The following GABRB3 variants were observed in gnomAD, a reference collection of about 807,000 sequenced individuals.
GABRB3 encodes gamma-aminobutyric acid type A receptor subunit beta3, also known as gamma-aminobutyric acid receptor subunit beta-3.
GABRB3 carries 14 observed loss-of-function variants against 52.1 expected under a neutral mutation model. That is an observed-to-expected ratio of 0.27 (90% CI 0.18 to 0.42). The LOEUF is 0.42. Ranked by LOEUF, GABRB3 falls within the 10% of genes least tolerant of loss-of-function variation. GABRB3 has a pLI of 1.00. For missense variants in GABRB3, 307 were observed against 609.1 expected (o/e 0.50, Z 5.22); for synonymous variants, 260 against 232.3 (o/e 1.12, Z -1.08).
At chr15:26,772,829 G>GC in intron 1 of GABRB3, 54 bp downstream of exon 1, 1 of 1,459,764 alleles carries the variant, frequency 6.9e-7, no homozygotes. Context: ...AGCCGCCAGC[G>GC]CCCCGCGCAC....
chr15:26,547,423 C>G lies in GABRB3; in HGVS notation c.*370G>C. On this transcript the variant is annotated 3_prime_UTR_variant, in exon 9 of 9. Transcript: ENST00000311550. ...TGGGGATGATATTGTGTTTCACGCC[C>G]TCATTCTCAAGGCATAATATTTAGA... 2.3e-6 allele frequency: 1 copy of G among 441,476 alleles called. No individual in the cohort carries two copies. Among genetic ancestry groups the G allele is most frequent in the East Asian group, 3.3e-5 (1 of 30,440 alleles). The allele number at this position is 441,476 out of a possible 1,614,324, so 27.3% of individuals were successfully genotyped here.
intron 3 of GABRB3, among the ~76,000 whole-genome samples, chr15:26,664,813 A>G (rs992931128): frequency 6.7e-6 from 1 of 148,334 alleles, no homozygotes; most frequent in Non-Finnish European, 1.5e-5. Context: ...CCTGGGTTCA[A>G]GCTCAGCCTC....
chr15:26,741,186 G>C (rs1325753340), intron 3 of GABRB3, among the ~76,000 whole-genome samples: 1 of 152,052 alleles, frequency 6.6e-6, no homozygotes, highest in Non-Finnish European at 1.5e-5. Flanking sequence ...GAAGTACCAA[G>C]CTTAGGGTCA....
At chr15:26,598,727 C>T (rs1891482504) in intron 4 of GABRB3, among the ~76,000 whole-genome samples, 1 of 152,132 alleles carries the variant, frequency 6.6e-6, no homozygotes, top group African/African-American at 2.4e-5. Flanking sequence ...AGTTTCACCT[C>T]ACAAAGAACA....
chr15:26,597,584 T>C (rs1405091435), intron 4 of GABRB3, among the ~76,000 whole-genome samples: 1 of 152,128 alleles, frequency 6.6e-6, no homozygotes, highest in Non-Finnish European at 1.5e-5. Context: ...TCCTCTACAA[T>C]AGAGCTGCCT....
At chr15:26,760,378 C>G (rs1248081850) in intron 3 of GABRB3, among the ~76,000 whole-genome samples, 1 of 152,168 alleles carries the variant, frequency 6.6e-6, no homozygotes, top group East Asian at 1.9e-4. Context: ...GAACGACTTG[C>G]CAGAGTTCAC....
intron 3 of GABRB3, among the ~76,000 whole-genome samples, chr15:26,681,372 G>GC (rs1030695498): frequency 4.6e-5 from 7 of 151,854 alleles, no homozygotes; most frequent in Non-Finnish European, 8.8e-5. Flanking sequence ...CTGATATTCT[G>GC]CCCCCCCGTA....
intron 3 of GABRB3, among the ~76,000 whole-genome samples, chr15:26,650,527 C>T (rs1192687452): frequency 1.3e-5 from 2 of 151,990 alleles, no homozygotes; most frequent in Non-Finnish European, 2.9e-5. Flanking sequence ...CAGCCAAATG[C>T]CTAGACAGAT....
chr15:26,615,149 ACT>A, intron 4 of GABRB3: 1 of 343,264 alleles, frequency 2.9e-6, no homozygotes, highest in Admixed American at 6.4e-5. Flanking sequence ...AGGGATGATA[ACT>A]CTGCCTTTTT....
intron 4 of GABRB3, among the ~76,000 whole-genome samples, chr15:26,601,732 A>G (rs1891596405): frequency 6.6e-6 from 1 of 152,154 alleles, no homozygotes; most frequent in Admixed American, 6.5e-5. Context: ...CAAGCTTCAT[A>G]GCAACCTCAA....
intron 3 of GABRB3, among the ~76,000 whole-genome samples, chr15:26,769,070 G>T (rs1797735884): frequency 6.6e-6 from 1 of 152,144 alleles, no homozygotes; most frequent in South Asian, 2.1e-4. Flanking sequence ...AGTAGATAAG[G>T]ACTGGAGTCT....
At chr15:26,569,312 C>G (rs747760669) in intron 6 of GABRB3, 7 of 152,148 alleles carry the variant, frequency 4.6e-5, no homozygotes, top group African/African-American at 1.7e-4. Flanking sequence ...CCAAACATAC[C>G]CAGCACTTCA....
chr15:26,604,106 G>A (rs2050586702), intron 4 of GABRB3, among the ~76,000 whole-genome samples: 1 of 151,986 alleles, frequency 6.6e-6, no homozygotes, highest in Admixed American at 6.6e-5. Flanking sequence ...TAAACAAGTA[G>A]CACTTCTATA....
rs1889305283 is a variant in GABRB3, at chr15:26,547,622, A to G, written c.*171T>C. The G allele has an allele frequency of 3.2e-6, 2 of 629,246 alleles. No individual in the cohort carries two copies. The highest frequency in any genetic ancestry group is 2.6e-5 in the Admixed American group (1 of 37,780). 39.0% of individuals were successfully genotyped at this position (629,246 alleles called of 1,614,324 possible). ...CATATACACATACATCCTCATATAC[A>G]CGTGTATTTTATATATATGCTGAGA... On this transcript the variant is annotated 3_prime_UTR_variant, in exon 9 of 9. Transcript: ENST00000311550.
At chr15:26,590,603 A>G (rs535585718) in intron 4 of GABRB3, among the ~76,000 whole-genome samples, 1 of 152,332 alleles carries the variant, frequency 6.6e-6, no homozygotes, top group Non-Finnish European at 1.5e-5. Flanking sequence ...ATTCAATGTG[A>G]AGAAGTCACA....
intron 3 of GABRB3, among the ~76,000 whole-genome samples, chr15:26,681,512 C>T (rs953320649): frequency 2.6e-5 from 4 of 152,122 alleles, no homozygotes; most frequent in South Asian, 2.1e-4. Context: ...CCTCCTCCAA[C>T]GGGCTATGGA....
chr15:26,668,138 T>C (rs1169469331), intron 3 of GABRB3, among the ~76,000 whole-genome samples: 1 of 152,154 alleles, frequency 6.6e-6, no homozygotes, highest in Non-Finnish European at 1.5e-5. Context: ...TGAACCTTGA[T>C]TATCTTCCCT....
At chr15:26,707,847 A>G (rs565927511) in intron 3 of GABRB3, among the ~76,000 whole-genome samples, 81 of 152,310 alleles carry the variant, frequency 5.3e-4, no homozygotes, top group African/African-American at 1.7e-3. Flanking sequence ...GGAGGAAAAG[A>G]ATGTCCCCCA....
chr15:26,729,129 T>A (rs1889844139), intron 3 of GABRB3, among the ~76,000 whole-genome samples: 2 of 152,140 alleles, frequency 1.3e-5, no homozygotes, highest in African/African-American at 4.8e-5. Context: ...CAAGTGGGCA[T>A]CTGCTGATCT....
Sources: allele counts gnomAD v4.1 joint callset (sites outside exome capture counted in the v4.1 genomes callset), GRCh38; gene constraint gnomAD v4.1.1; transcripts MANE v1.5; gene names NCBI Gene and HGNC (gene_info 2026-07-23, HGNC 2026-07-21).